The following FCHSD2 variants were observed in gnomAD, a reference collection of about 807,000 sequenced individuals.
FCHSD2 encodes the protein F-BAR and double SH3 domains protein 2.
In FCHSD2, 38 loss-of-function variants were observed where a neutral mutation model predicts 108.1. The observed-to-expected ratio is 0.35, with a 90% CI of 0.27 to 0.46. FCHSD2 has a LOEUF of 0.46. Among genes scored for constraint, FCHSD2 ranks in the 20% least tolerant of loss-of-function variants. The probability of loss-of-function intolerance (pLI) is 1.00; values close to 1 mark genes in which losing one functional copy is unlikely to be tolerated. For synonymous variants in FCHSD2, 279 were observed against 314.7 expected (o/e 0.89, Z 1.20); for missense variants, 751 against 897.8 (o/e 0.84, Z 2.09).
intron 3 of FCHSD2, among the ~76,000 whole-genome samples, chr11:73,037,373 C>T (rs562511782): frequency 1.3e-5 from 2 of 152,168 alleles, no homozygotes; most frequent in Non-Finnish European, 2.9e-5. Context: ...ACATATCCAT[C>T]ATTACAGTAT....
intron 3 of FCHSD2, among the ~76,000 whole-genome samples, chr11:73,064,744 C>T (rs1859250087): frequency 1.3e-5 from 2 of 152,082 alleles, no homozygotes. Flanking sequence ...TGCAAATAAA[C>T]TAGAAAATCT....
At chr11:72,955,926 T>A (rs1025196959) in intron 8 of FCHSD2, among the ~76,000 whole-genome samples, 10 of 152,124 alleles carry the variant, frequency 6.6e-5, no homozygotes, top group African/African-American at 2.4e-4. Flanking sequence ...CTCAAAGTAA[T>A]AGCACACAGA....
At chr11:72,890,452 T>TC (rs1855291140) in intron 10 of FCHSD2, among the ~76,000 whole-genome samples, 2 of 152,216 alleles carry the variant, frequency 1.3e-5, no homozygotes, top group African/African-American at 4.8e-5. Context: ...TCTTTAGAGG[T>TC]CCACCATCAA....
chr11:73,124,472 T>C (rs1365392774), intron 2 of FCHSD2, among the ~76,000 whole-genome samples: 2 of 151,978 alleles, frequency 1.3e-5, no homozygotes, highest in Admixed American at 1.3e-4. Context: ...GAAGAAATAA[T>C]GGGCCAGGCG....
intron 3 of FCHSD2, among the ~76,000 whole-genome samples, chr11:73,047,995 A>G (rs1467562997): frequency 6.6e-6 from 1 of 152,176 alleles, no homozygotes; most frequent in Non-Finnish European, 1.5e-5. Context: ...TAGAACTCTA[A>G]TGGTCTTATT....
chr11:72,892,500 C>T (rs1471571083), intron 10 of FCHSD2, among the ~76,000 whole-genome samples: 1 of 152,108 alleles, frequency 6.6e-6, no homozygotes, highest in Admixed American at 6.6e-5. Flanking sequence ...ACAGCCCAGG[C>T]TATTAAACAA....
chr11:72,971,877 C>T (rs375077629), intron 8 of FCHSD2, among the ~76,000 whole-genome samples: 11 of 152,044 alleles, frequency 7.2e-5, no homozygotes, highest in South Asian at 2.1e-4. Context: ...TACATAGCAA[C>T]GGAAATCAAA....
chr11:72,901,333 G>A (rs892992040), intron 10 of FCHSD2, among the ~76,000 whole-genome samples: 6 of 152,092 alleles, frequency 3.9e-5, no homozygotes, highest in Non-Finnish European at 7.4e-5. Flanking sequence ...GGAGAGGGGG[G>A]CTGTAGTGAG....
intron 3 of FCHSD2, among the ~76,000 whole-genome samples, chr11:73,055,724 A>G (rs1859010209): frequency 6.6e-6 from 1 of 152,204 alleles, no homozygotes; most frequent in Admixed American, 6.5e-5. Flanking sequence ...TTAAACAGAC[A>G]ATCTGTAGAG....
chr11:73,038,503 G>A (rs1858553854), intron 3 of FCHSD2, among the ~76,000 whole-genome samples: 1 of 152,128 alleles, frequency 6.6e-6, no homozygotes, highest in Non-Finnish European at 1.5e-5. Flanking sequence ...ATACAGCGTG[G>A]ATACTATGCA....
At chr11:73,031,178 GAATA>G (rs1163940149) in intron 3 of FCHSD2, among the ~76,000 whole-genome samples, 4 of 152,096 alleles carry the variant, frequency 2.6e-5, no homozygotes, top group Admixed American at 6.5e-5. Context: ...AAAAAAACTT[GAATA>G]AATAGAGAAT....
At chr11:73,087,453 C>G (rs779055740) in intron 2 of FCHSD2, among the ~76,000 whole-genome samples, 3 of 151,896 alleles carry the variant, frequency 2.0e-5, no homozygotes, top group Non-Finnish European at 4.4e-5. Flanking sequence ...ACCCTGTAAT[C>G]CCAGCATTTT....
intron 3 of FCHSD2, among the ~76,000 whole-genome samples, chr11:73,058,960 TA>T (rs1203727689): frequency 2.0e-5 from 3 of 152,208 alleles, no homozygotes; most frequent in Admixed American, 2.0e-4. Flanking sequence ...CCACAGTCCT[TA>T]CATTGATAGG....
Position 72,985,080 on chromosome 11 carries a change from T to C in FCHSD2, c.558A>G (p.Leu186=). The C allele has an allele frequency of 1.6e-6, 2 of 1,269,180 alleles. No homozygotes were observed. Among genetic ancestry groups the C allele is most frequent in the Non-Finnish European group, 2.2e-6 (2 of 893,332 alleles). The allele number at this position is 1,269,180 out of a possible 1,614,324, so 78.6% of individuals were successfully genotyped here. A position where few individuals can be genotyped will look rare whatever the true frequency, so the allele number is the denominator to read the frequency against. ...KLSLFQSRIS[L]QKASVKLKAR... is the part of the protein sequence containing the mutation. ...AACTTACCTTTACACTTGCCTTCTG[T>C]AAACTGATTCTTGATTGAAAAAGAC... The change falls in exon 7 of 20, where the codon TTA becomes TTG. Residue 186 remains leucine, a synonymous_variant. Transcript: ENST00000409418.
rs1381172794 is a variant in FCHSD2 at position 72,836,854 on chromosome 11, T to G, written c.*1937A>C. 3 of 152,648 alleles carry G rather than the reference T, an allele frequency of 2.0e-5. No individual in the cohort carries two copies. The highest frequency in any genetic ancestry group is 4.4e-5 in the Non-Finnish European group (3 of 68,050). 9.5% of individuals were successfully genotyped at this position (152,648 alleles called of 1,614,324 possible). On this transcript the variant is annotated 3_prime_UTR_variant, in exon 20 of 20. Coordinates refer to ENST00000409418, the MANE Select transcript of FCHSD2 (RefSeq NM_014824.3). ...CAGAGGCTCCCTCCGAGCCCTGACC[T>G]GTGCACTGTGGTGCTGGATTCCATA...
intron 12 of FCHSD2, among the ~76,000 whole-genome samples, chr11:72,886,968 A>G (rs1003528256): frequency 6.6e-6 from 1 of 151,826 alleles, no homozygotes; most frequent in Non-Finnish European, 1.5e-5. Context: ...ACTATTATAA[A>G]TTTTTTCCCA....
At chr11:73,071,203 TC>T (rs1166306591) in intron 3 of FCHSD2, among the ~76,000 whole-genome samples, 1 of 152,190 alleles carries the variant, frequency 6.6e-6, no homozygotes, top group Non-Finnish European at 1.5e-5. Flanking sequence ...CTCTACTCCC[TC>T]TTCCTAGTTT....
intron 8 of FCHSD2, among the ~76,000 whole-genome samples, chr11:72,935,830 G>A (rs1486386232): frequency 3.9e-5 from 6 of 152,152 alleles, no homozygotes; most frequent in Non-Finnish European, 7.4e-5. Flanking sequence ...GGAAGTTTAT[G>A]TCTGTAAATT....
intron 8 of FCHSD2, among the ~76,000 whole-genome samples, chr11:72,954,870 A>G (rs1321558998): frequency 1.3e-5 from 2 of 152,198 alleles, no homozygotes; most frequent in Non-Finnish European, 2.9e-5. Flanking sequence ...ATTGATATCT[A>G]TACATATACA....
Sources: allele counts gnomAD v4.1 joint callset (sites outside exome capture counted in the v4.1 genomes callset), GRCh38; gene constraint gnomAD v4.1.1; transcripts MANE v1.5; gene names NCBI Gene and HGNC (gene_info 2026-07-23, HGNC 2026-07-21).